DPP10: variants seen among roughly 807,000 people sequenced by gnomAD.
DPP10 encodes inactive dipeptidyl peptidase 10.
A neutral mutation model predicts 120.9 loss-of-function variants in DPP10; 33 were observed. The ratio of observed to expected loss-of-function variants is 0.27; its 90% CI spans 0.21 to 0.37. The LOEUF (loss-of-function observed/expected upper bound fraction) is 0.37. Ranked by LOEUF, DPP10 falls within the 10% of genes least tolerant of loss-of-function variation. The pLI is 1.00. For missense variants in DPP10, 816 were observed against 942.8 expected (o/e 0.87, Z 1.76); for synonymous variants, 337 against 326.1 (o/e 1.03, Z -0.36).
intron 1 of DPP10, among the ~76,000 whole-genome samples, chr2:114,962,001 T>C (rs1445603823): frequency 6.6e-6 from 1 of 152,066 alleles, no homozygotes; most frequent in Non-Finnish European, 1.5e-5. Flanking sequence ...TCCAATTCAT[T>C]AATTAATTAC....
At chr2:114,482,443 A>T (rs750909981) in intron 1 of DPP10, among the ~76,000 whole-genome samples, 1 of 152,178 alleles carries the variant, frequency 6.6e-6, no homozygotes, top group African/African-American at 2.4e-5. Flanking sequence ...CGTATCAGTT[A>T]TCTATTGCTA....
intron 1 of DPP10, among the ~76,000 whole-genome samples, chr2:115,036,468 G>T (rs1185145234): frequency 6.6e-6 from 1 of 152,152 alleles, no homozygotes; most frequent in African/African-American, 2.4e-5. Flanking sequence ...ATAAGAGCAA[G>T]AATTTTTAGT....
At chr2:114,448,809 A>G (rs1019191682) in intron 1 of DPP10, among the ~76,000 whole-genome samples, 4 of 152,136 alleles carry the variant, frequency 2.6e-5, no homozygotes, top group Non-Finnish European at 5.9e-5. Context: ...TATCTCTTTT[A>G]TTCCTCACAG....
chr2:114,496,738 A>G (rs529778454), intron 1 of DPP10, among the ~76,000 whole-genome samples: 67 of 152,106 alleles, frequency 4.4e-4, no homozygotes, highest in African/African-American at 1.5e-3. Context: ...CACTTCAACT[A>G]TCTATGAGGG....
At position 114,496,978 on chromosome 2, in the gene DPP10, C is replaced by A. The variant is rs1308624891; in HGVS notation, c.60+54140C>A. On this transcript the variant is annotated intron_variant, in intron 1 of 25. Coordinates refer to ENST00000410059, the MANE Select transcript of DPP10 (RefSeq NM_020868.6). The stretch of plus-strand genomic sequence containing the variant: ...CATGCTGATAGAAGGACCTTGGAGA[C>A]CCTCTCACCATACACAGACATATAT... 2.0e-5 allele frequency among the ~76,000 whole-genome samples: 3 copies of A among 151,164 alleles called. No individual in the cohort carries two copies. The South Asian group carries it at 6.3e-4, about 32-fold the overall frequency.
chr2:115,658,201 GA>G (rs1218244188), intron 5 of DPP10, among the ~76,000 whole-genome samples: 1 of 151,868 alleles, frequency 6.6e-6, no homozygotes, highest in African/African-American at 2.4e-5. Context: ...CAAGCAATCT[GA>G]AAAAGAGAAC....
At chr2:115,571,845 TTG>T (rs10634118) in intron 5 of DPP10, among the ~76,000 whole-genome samples, 15 of 149,544 alleles carry the variant, frequency 1.0e-4, no homozygotes, top group East Asian at 2.0e-4. Context: ...CTCCAATATC[TTG>T]TGTGTGTGTG....
At chr2:115,301,276 A>G (rs751310180) in intron 1 of DPP10, among the ~76,000 whole-genome samples, 4 of 151,888 alleles carry the variant, frequency 2.6e-5, no homozygotes, top group Admixed American at 6.6e-5. Flanking sequence ...TTCACAAACT[A>G]TGTTACCCAT....
chr2:114,822,171 T>A (rs940940609), intron 1 of DPP10, among the ~76,000 whole-genome samples: 8 of 152,128 alleles, frequency 5.3e-5, no homozygotes, highest in Non-Finnish European at 8.8e-5. Context: ...CATCCAGATG[T>A]TTTTTTACAT....
chr2:114,896,034 A>G (rs1391289287), intron 1 of DPP10, among the ~76,000 whole-genome samples: 1 of 152,166 alleles, frequency 6.6e-6, no homozygotes. Flanking sequence ...GTCAAAGATC[A>G]GATAGTTGTA....
At chr2:115,392,548 TTTAAGAGCA>T in intron 3 of DPP10, among the ~76,000 whole-genome samples, 1 of 152,258 alleles carries the variant, frequency 6.6e-6, no homozygotes, top group Non-Finnish European at 1.5e-5. Flanking sequence ...AACTAATATT[TTTAAGAGCA>T]TAAGTGGAAA....
intron 1 of DPP10, among the ~76,000 whole-genome samples, chr2:114,875,133 A>G (rs554432089): frequency 2.6e-5 from 4 of 152,134 alleles, no homozygotes; most frequent in Non-Finnish European, 4.4e-5. Context: ...TGTACACTCA[A>G]TGACCCTGAA....
At chr2:114,954,837 A>G (rs575667569) in intron 1 of DPP10, among the ~76,000 whole-genome samples, 32 of 152,328 alleles carry the variant, frequency 2.1e-4, no homozygotes, top group African/African-American at 6.2e-4. Context: ...GTGAACAAAT[A>G]CATGCCAACA....
At chr2:115,531,507 A>G (rs2078463304) in intron 5 of DPP10, among the ~76,000 whole-genome samples, 1 of 152,196 alleles carries the variant, frequency 6.6e-6, no homozygotes, top group African/African-American at 2.4e-5. Context: ...CCTGGATTTA[A>G]CGTCCAACTG....
At chr2:115,471,797 T>TTGC (rs2074742031) in intron 3 of DPP10, among the ~76,000 whole-genome samples, 1 of 151,582 alleles carries the variant, frequency 6.6e-6, no homozygotes, top group Non-Finnish European at 1.5e-5. Flanking sequence ...GTTGTTGTTG[T>TTGC]TGTTTAGAGA....
rs768742947 is a variant in DPP10, at chr2:115,332,412, A to G, written c.176-11405A>G. On this transcript the variant is annotated intron_variant, in intron 2 of 25. Transcript: ENST00000410059. Reference sequence around the variant, plus strand: ...ATTGACTTTTTGAAGGGTTTTTTATATCTCTGTCTCCTTCAGTTCTGCTCT... The same window carrying G: ...ATTGACTTTTTGAAGGGTTTTTTATGTCTCTGTCTCCTTCAGTTCTGCTCT... Among the ~76,000 whole-genome samples, 20 of 151,752 alleles carry G rather than the reference A, an allele frequency of 1.3e-4. No homozygotes were observed. In the Middle Eastern group the frequency reaches 0.014, roughly 103 times the overall value.
intron 9 of DPP10, among the ~76,000 whole-genome samples, chr2:115,744,037 T>C (rs1677633328): frequency 6.6e-6 from 1 of 150,638 alleles, no homozygotes; most frequent in Non-Finnish European, 1.5e-5. Context: ...GATGCATAAA[T>C]AGATAAAGAT....
chr2:115,233,900 C>T, intron 1 of DPP10: 1 of 515,022 alleles, frequency 1.9e-6, no homozygotes, highest in Non-Finnish European at 3.9e-6. Flanking sequence ...TCTCCCTTAG[C>T]CCTTCTTCTG....
chr2:114,625,972 T>C (rs2105351235), intron 1 of DPP10, among the ~76,000 whole-genome samples: 1 of 151,860 alleles, frequency 6.6e-6, no homozygotes, highest in East Asian at 1.9e-4. Context: ...TCTAGGTCTT[T>C]ACATTGACAG....
Sources: gnomAD v4.1 joint callset for allele counts (sites outside exome capture counted in the v4.1 genomes callset) on GRCh38, gnomAD v4.1.1 for gene constraint, MANE v1.5 for transcripts, NCBI Gene and HGNC (gene_info 2026-07-23, HGNC 2026-07-21) for gene names.